SASS6: variants seen among roughly 807,000 people sequenced by gnomAD.
The protein encoded by SASS6 is spindle assembly abnormal protein 6 homolog.
Under a neutral mutation model 94.9 loss-of-function variants are expected in SASS6, and 59 were observed. The ratio of observed to expected loss-of-function variants is 0.62; its 90% confidence interval spans 0.50 to 0.77. SASS6 has a LOEUF of 0.77. Ranked by LOEUF, SASS6 falls within the 30% of genes least tolerant of loss-of-function variation. The pLI, the probability that SASS6 is intolerant of heterozygous loss-of-function variation, is 0.00. For missense variants in SASS6, 698 were observed against 734.1 expected, an observed-to-expected ratio of 0.95 and a Z score of 0.57; for synonymous variants, 264 against 270.0, an observed-to-expected ratio of 0.98 and a Z score of 0.22.
At position 100,107,173 on chromosome 1, in the gene SASS6, A is replaced by C. The variant is rs139873797; in HGVS notation, c.1327-180T>G. Among the ~76,000 whole-genome samples, 39 of 152,284 alleles carry C rather than the reference A, an allele frequency of 2.6e-4. No homozygotes were observed. In the East Asian group the frequency reaches 7.3e-3, roughly 29 times the overall value. On this transcript the variant is annotated intron_variant, in intron 11 of 16. Transcript: ENST00000287482. The stretch of plus-strand genomic sequence containing the variant: ...TTTACATGTGTATACAAACATAGAC[A>C]TACATGAGCAATCAAGGTATCTGAA...
chr1:100,085,411 C>T lies in SASS6; in HGVS notation c.1891G>A (p.Gly631Arg). ...GGTTTGGAAGATGTATGTAATGCTCCTAAAGTGCCATCTCTCTGATGGTCT... is the reference window on the plus strand; with the variant it reads ...GGTTTGGAAGATGTATGTAATGCTCTTAAAGTGCCATCTCTCTGATGGTCT... ...NSDHQRDGTL[G>R]ALHTSSKPTA... Residue 631 changes from glycine to arginine, a missense_variant, in exon 17 of 17, where the codon GGA becomes AGA. Physicochemically the swap from Gly to Arg is moderately radical, Grantham distance 125. Transcript: ENST00000287482. 1.2e-6 allele frequency: 2 copies of T among 1,613,040 alleles called. No individual in the cohort carries two copies. Among genetic ancestry groups the T allele is most frequent in the Non-Finnish European group, 1.7e-6 (2 of 1,179,104 alleles).
chr1:100,119,936 T>A (rs1018688233), intron 6 of SASS6, among the ~76,000 whole-genome samples: 1 of 152,216 alleles, frequency 6.6e-6, no homozygotes, highest in Non-Finnish European at 1.5e-5. Flanking sequence ...CTAAAACAGA[T>A]ACTCTGGCCT....
chr1:100,102,545 G>C (rs1229128751), intron 14 of SASS6, among the ~76,000 whole-genome samples: 1 of 152,042 alleles, frequency 6.6e-6, no homozygotes, highest in Non-Finnish European at 1.5e-5. Flanking sequence ...TGGGTGTAGT[G>C]GCACATGCCT....
chr1:100,114,772 T>C (rs1322732357), intron 7 of SASS6, among the ~76,000 whole-genome samples: 2 of 151,960 alleles, frequency 1.3e-5, no homozygotes, highest in African/African-American at 4.8e-5. Context: ...AGCAAATTGA[T>C]ACAATAGTTT....
intron 14 of SASS6, among the ~76,000 whole-genome samples, chr1:100,097,784 C>T (rs1214448272): frequency 2.0e-5 from 3 of 151,972 alleles, no homozygotes; most frequent in Admixed American, 6.5e-5. Flanking sequence ...AAGCCATGAT[C>T]GTGCCACTGC....
chr1:100,093,401 A>T (rs1196676314), intron 14 of SASS6, among the ~76,000 whole-genome samples: 2 of 152,136 alleles, frequency 1.3e-5, no homozygotes, highest in African/African-American at 2.4e-5. Context: ...ATAGATTTCT[A>T]GTTTAATTCC....
chr1:100,122,272 A>C lies in SASS6; in HGVS notation c.311+108T>G, dbSNP rs1234565187. On this transcript the variant is annotated intron_variant, in intron 4 of 16. Transcript: ENST00000287482. The stretch of plus-strand genomic sequence containing the variant: ...AGGCCTAACCCCAGTTCTAAAAATA[A>C]ACAGGGATAGTCATAATAAACGGAA... 3.1e-5 allele frequency: 16 copies of C among 514,834 alleles called. No homozygotes were observed. In the East Asian group the frequency reaches 5.2e-4, roughly 17 times the overall value. The allele number at this position is 514,834 out of a possible 1,614,324, so 31.9% of individuals were successfully genotyped here.
At position 100,107,571 on chromosome 1, in the gene SASS6, A is replaced by G. The variant is rs761044821; in HGVS notation, c.1147-18T>C. 15 of 1,575,718 alleles carry G rather than the reference A, an allele frequency of 9.5e-6. No individual in the cohort carries two copies. The highest frequency in any genetic ancestry group is 1.1e-5 in the Non-Finnish European group (13 of 1,154,734). On this transcript the variant is annotated intron_variant, in intron 10 of 16. Coordinates refer to ENST00000287482, the MANE Select transcript of SASS6 (RefSeq NM_194292.3). ...TCATTTGCCTATAAAAGAGCTTCAT[A>G]TGTATATTTCTATGTAATTTAATGA... is the stretch of plus-strand genomic sequence containing the variant.
In SASS6 at chr1:100,125,259, C is replaced by T. The variant is rs1221294406; in HGVS notation, c.126+623G>A. Among the ~76,000 whole-genome samples, 4 of 134,274 alleles carry T rather than the reference C, an allele frequency of 3.0e-5. No individual in the cohort carries two copies. In the South Asian group the frequency reaches 9.0e-4, roughly 30 times the overall value. 88.1% of individuals were successfully genotyped at this position (134,274 alleles called of 152,430 possible). A position where few individuals can be genotyped will look rare whatever the true frequency, so the allele number is the denominator to read the frequency against. On this transcript the variant is annotated intron_variant, in intron 2 of 16. Transcript: ENST00000287482. ...TGTGTGTGTGTGTGTGTGTGTATGA[C>T]CAACAGCAATAAAATATATTTTTAT...
At position 100,088,146 on chromosome 1, in the gene SASS6, T is replaced by G; in HGVS notation, c.1765A>C (p.Lys589Gln). The G allele has an allele frequency of 6.4e-7, 1 of 1,564,878 alleles. No homozygotes were observed. Among genetic ancestry groups the G allele is most frequent in the Non-Finnish European group, 8.8e-7 (1 of 1,136,308 alleles). ...ATGTCATTAAGCACTTACTTTTCCT[T>G]ATCAGTTGAGCAAGGCATACTAATA... ...ATISMPCSTD[K>Q]ENGENVGLES... The change falls in exon 15 of 17, where the codon AAG becomes CAG. Residue 589 changes from lysine (K) to glutamine (Q), a missense_variant. Transcript: ENST00000287482.
Position 100,105,862 on chromosome 1 carries a change from C to G in SASS6, c.1450G>C (p.Val484Leu), listed in dbSNP as rs367882680. ...GGTCCCAATACATCTTGCTTTCTCA[C>G]TAGCTGATTTTCATTTAGTTCTTTA... ...LNKELNENQLVRKQDVLGPST... is the reference protein window; with the variant it reads ...LNKELNENQLLRKQDVLGPST... Residue 484 changes from valine to leucine, a missense_variant, in exon 13 of 17, where the codon GTG becomes CTG. Val to Leu is a conservative substitution (Grantham distance 32). Coordinates refer to ENST00000287482, the MANE Select transcript of SASS6 (RefSeq NM_194292.3). 6 of 1,610,006 alleles carry G rather than the reference C, an allele frequency of 3.7e-6. No homozygotes were observed. The highest frequency in any genetic ancestry group is 5.1e-6 in the Non-Finnish European group (6 of 1,177,414).
chr1:100,122,910 G>T (rs1248929996), intron 3 of SASS6, among the ~76,000 whole-genome samples: 1 of 151,724 alleles, frequency 6.6e-6, no homozygotes, highest in African/African-American at 2.4e-5. Flanking sequence ...ATTTACTAAC[G>T]CTTGTTATAA....
At chr1:100,086,520 T>A (rs1651284716) in intron 15 of SASS6, among the ~76,000 whole-genome samples, 1 of 151,870 alleles carries the variant, frequency 6.6e-6, no homozygotes, top group Admixed American at 6.6e-5. Flanking sequence ...TTGATTTTTT[T>A]TTTTTTTTTT....
At position 100,132,803 on chromosome 1, in the gene SASS6, C is replaced by T; in HGVS notation, c.12G>A (p.Val4=). 6.2e-7 allele frequency: 1 copy of T among 1,614,106 alleles called. No homozygotes were observed. Among genetic ancestry groups the T allele is most frequent in the South Asian group, 1.1e-5 (1 of 91,092 alleles). ...GCAACGGGACTAGTTGGTGGAACAG[C>T]ACTTGGCTCATGTTGGCTCGCTGCC... MSQ[V]LFHQLVPLQV... The change falls in exon 1 of 17, where the codon GTG becomes GTA. Residue 4 remains valine, a synonymous_variant. Coordinates refer to ENST00000287482, the MANE Select transcript of SASS6 (RefSeq NM_194292.3).
chr1:100,085,462 T>C (rs1050668202), intron 16 of SASS6, 28 bp from the exon 17 acceptor site: 8 of 1,566,682 alleles, frequency 5.1e-6, no homozygotes, highest in Non-Finnish European at 7.0e-6. Context: ...AAAAGGTTAC[T>C]GGTATTCATT....
At chr1:100,095,104 T>A (rs1652023875) in intron 14 of SASS6, among the ~76,000 whole-genome samples, 1 of 152,142 alleles carries the variant, frequency 6.6e-6, no homozygotes, top group South Asian at 2.1e-4. Context: ...AGGAATAGAA[T>A]AAAACTCCCT....
chr1:100,098,251 C>A (rs566752774), intron 14 of SASS6, among the ~76,000 whole-genome samples: 10 of 151,810 alleles, frequency 6.6e-5, no homozygotes, highest in African/African-American at 2.4e-4. Context: ...AAATGTTAAA[C>A]CTCCCAAACA....
In SASS6 at chr1:100,085,650, T is replaced by C; in HGVS notation, c.1773-20A>G. ...TCACCACTTAAAAAGAAAATGGTAATAACTTATTTAACAAAGTCTTTATTA... is the reference window on the plus strand; with the variant it reads ...TCACCACTTAAAAAGAAAATGGTAACAACTTATTTAACAAAGTCTTTATTA... On this transcript the variant is annotated intron_variant, in intron 15 of 16. Coordinates refer to ENST00000287482, the MANE Select transcript of SASS6 (RefSeq NM_194292.3). 7.1e-7 allele frequency: 1 copy of C among 1,402,984 alleles called. No homozygotes were observed. The highest frequency in any genetic ancestry group is 1.0e-6 in the Non-Finnish European group (1 of 994,212). 86.9% of individuals were successfully genotyped at this position (1,402,984 alleles called of 1,614,324 possible). A position where few individuals can be genotyped will look rare whatever the true frequency, so the allele number is the denominator to read the frequency against.
chr1:100,117,176 C>T (rs1653852404), intron 7 of SASS6, among the ~76,000 whole-genome samples: 1 of 151,224 alleles, frequency 6.6e-6, no homozygotes, highest in African/African-American at 2.4e-5. Context: ...TGTGTAATTC[C>T]AGCTACTTGG....
Sources: allele counts gnomAD v4.1 joint callset (sites outside exome capture counted in the v4.1 genomes callset), GRCh38; gene constraint gnomAD v4.1.1; transcripts MANE v1.5; gene names NCBI Gene and HGNC (gene_info 2026-07-23, HGNC 2026-07-21).